Variants in DMD observed in about 807,000 individuals in gnomAD.
The protein encoded by DMD is mutant dystrophin.
DMD carries 63 observed loss-of-function variants against 330.1 expected under a neutral mutation model. That is an observed-to-expected ratio of 0.19 (90% CI 0.16 to 0.24). The LOEUF (loss-of-function observed/expected upper bound fraction) is 0.24, where lower values mean the gene tolerates loss of function less well. Among genes scored for constraint, DMD ranks in the 10% least tolerant of loss-of-function variants. The probability of loss-of-function intolerance (pLI) is 1.00; values close to 1 mark genes in which losing one functional copy is unlikely to be tolerated. For synonymous variants in DMD, 1,223 were observed against 959.8 expected (o/e 1.27, Z -5.07); for missense variants, 3,344 against 2,684.1 (o/e 1.25, Z -5.43).
intron 2 of DMD, among the ~76,000 whole-genome samples, chrX:32,858,353 CAG>C (rs767057329): frequency 2.7e-5 from 3 of 112,145 alleles, no homozygotes; most frequent in Admixed American, 9.4e-5. Flanking sequence ...TTTTTTGAGA[CAG>C]AGTCTCGCTC....
chrX:33,026,329 A>G (rs1329956808), intron 1 of DMD, among the ~76,000 whole-genome samples: 3 of 93,222 alleles, frequency 3.2e-5, no homozygotes, highest in East Asian at 4.6e-4. Context: ...AAAAAAAAAA[A>G]AAAAAAAAAA....
chrX:32,880,278 C>A (rs1480794572), intron 2 of DMD, among the ~76,000 whole-genome samples: 1 of 97,403 alleles, frequency 1.0e-5, no homozygotes. Context: ...AAAGCTCCAA[C>A]AGGGCCAAAA....
rs192912288 is a variant in DMD at position 31,736,949 on chromosome X, G to A, written c.7543-7201C>T. Among the ~76,000 whole-genome samples, 18 of 111,755 alleles carry A rather than the reference G, an allele frequency of 1.6e-4. No homozygotes were observed. In the East Asian group the frequency reaches 3.1e-3, roughly 19 times the overall value. On this transcript the variant is annotated intron_variant, in intron 51 of 78. Transcript: ENST00000357033. ...AGTCTCTACCTCTCAGATTCATTAT[G>A]AGAATTAATAGAGTTAATATTTGTA...
chrX:31,565,243 A>G (rs911533822), intron 55 of DMD, among the ~76,000 whole-genome samples: 1 of 111,324 alleles, frequency 9.0e-6, no homozygotes, highest in African/African-American at 3.3e-5. Flanking sequence ...CAACACTACA[A>G]GGATGCCTCC....
At chrX:33,047,782 T>C (rs1294557200) in intron 1 of DMD, among the ~76,000 whole-genome samples, 1 of 111,833 alleles carries the variant, frequency 8.9e-6, no homozygotes, top group Non-Finnish European at 1.9e-5. Flanking sequence ...GCCCTCAGAA[T>C]TACCTGCTTC....
intron 44 of DMD, among the ~76,000 whole-genome samples, chrX:32,175,971 A>T (rs892884711): frequency 7.2e-5 from 8 of 111,782 alleles, no homozygotes; most frequent in Admixed American, 6.6e-4. Context: ...AGACTAAGGG[A>T]CTAAATAACT....
intron 1 of DMD, among the ~76,000 whole-genome samples, 166 bp from the exon 2 acceptor site, chrX:33,020,366 C>A (rs190694139): frequency 1.8e-5 from 2 of 112,004 alleles, no homozygotes; most frequent in African/African-American, 6.5e-5. Flanking sequence ...TTTGGGGCAT[C>A]CAAATTAAAA....
At chrX:31,528,779 G>A (rs1213331492) in intron 55 of DMD, among the ~76,000 whole-genome samples, 1 of 110,697 alleles carries the variant, frequency 9.0e-6, no homozygotes, top group East Asian at 2.8e-4. Context: ...TAATTAGGGT[G>A]ATCCTATAGT....
intron 2 of DMD, among the ~76,000 whole-genome samples, chrX:32,984,037 T>G (rs145539235): frequency 0.012 from 1,323 of 111,824 alleles, 13 homozygotes; most frequent in Middle Eastern, 0.023. Context: ...TTTTTTAAAC[T>G]GGAAGCATTC....
chrX:31,883,727 A>G (rs2094109876), intron 47 of DMD, among the ~76,000 whole-genome samples: 1 of 111,806 alleles, frequency 8.9e-6, no homozygotes, highest in Non-Finnish European at 1.9e-5. Context: ...AAAACATCCT[A>G]TTACACTGAA....
At chrX:31,822,947 C>T (rs1431446619) in intron 49 of DMD, among the ~76,000 whole-genome samples, 1 of 110,975 alleles carries the variant, frequency 9.0e-6, no homozygotes, top group Non-Finnish European at 1.9e-5. Flanking sequence ...AGAGGACTAA[C>T]TTTCTAGCTC....
At chrX:32,864,762 T>C (rs1326381810) in intron 2 of DMD, among the ~76,000 whole-genome samples, 1 of 112,229 alleles carries the variant, frequency 8.9e-6, no homozygotes, top group Non-Finnish European at 1.9e-5. Context: ...TAATTCACTC[T>C]AATGTATTTG....
chrX:31,939,811 G>A (rs1238515715), intron 45 of DMD, among the ~76,000 whole-genome samples: 2 of 111,849 alleles, frequency 1.8e-5, no homozygotes, highest in Non-Finnish European at 3.8e-5. Context: ...CACAGGAGGA[G>A]TACTCAAAAT....
At chrX:31,913,912 CT>C (rs759785412) in intron 47 of DMD, among the ~76,000 whole-genome samples, 2 of 111,944 alleles carry the variant, frequency 1.8e-5, no homozygotes, top group South Asian at 7.5e-4. Context: ...AGTATCTTCT[CT>C]AATAATTATC....
intron 60 of DMD, among the ~76,000 whole-genome samples, chrX:31,431,638 C>T (rs966710968): frequency 2.7e-5 from 3 of 109,244 alleles, no homozygotes; most frequent in Non-Finnish European, 5.8e-5. Flanking sequence ...CTCAGGTGAT[C>T]CACCCGCCTC....
intron 11 of DMD, among the ~76,000 whole-genome samples, chrX:32,629,266 T>C (rs978207640): frequency 2.7e-5 from 3 of 112,017 alleles, no homozygotes; most frequent in African/African-American, 9.7e-5. Context: ...CATTCTACAA[T>C]GACCGGCGTT....
chrX:32,297,259 AT>A (rs201272132), intron 42 of DMD, among the ~76,000 whole-genome samples: 7 of 90,743 alleles, frequency 7.7e-5, no homozygotes, highest in African/African-American at 2.7e-4. Flanking sequence ...TTATTTATTT[AT>A]TTATTTATTT....
chrX:32,844,460 G>C (rs2080472715), intron 4 of DMD, among the ~76,000 whole-genome samples: 1 of 108,817 alleles, frequency 9.2e-6, no homozygotes, highest in Admixed American at 9.8e-5. Context: ...AAAAAGAAAA[G>C]CAAAGTAAGA....
chrX:32,160,187 C>T (rs2096844039), intron 44 of DMD, among the ~76,000 whole-genome samples: 1 of 108,073 alleles, frequency 9.3e-6, no homozygotes, highest in African/African-American at 3.4e-5. Flanking sequence ...ATTCAATGAA[C>T]ATTTATTGCA....
Sources: allele counts gnomAD v4.1 joint callset (sites outside exome capture counted in the v4.1 genomes callset), GRCh38; gene constraint gnomAD v4.1.1; transcripts MANE v1.5; gene names NCBI Gene and HGNC (gene_info 2026-07-23, HGNC 2026-07-21).